MYCBPAP: variants seen among roughly 807,000 people sequenced by gnomAD.
MYCBPAP encodes MYCBP associated protein.
A neutral mutation model predicts 106.1 loss-of-function variants in MYCBPAP; 60 were observed. The observed-to-expected ratio is 0.57, with a 90% confidence interval of 0.46 to 0.70. The LOEUF is 0.70. MYCBPAP is among the 30% of genes least tolerant of loss of function. The pLI is 0.00. For missense variants in MYCBPAP, 1,064 were observed against 1,169.3 expected, an observed-to-expected ratio of 0.91 and a Z score of 1.31; for synonymous variants, 407 against 440.6, an observed-to-expected ratio of 0.92 and a Z score of 0.95.
rs1384689867 is a variant in MYCBPAP, at chr17:50,523,658, G to A, written c.1509G>A (p.Gly503=). 1.2e-6 allele frequency: 2 copies of A among 1,614,208 alleles called. No homozygotes were observed. Among genetic ancestry groups the A allele is most frequent in the East Asian group, 2.2e-5 (1 of 44,890 alleles). The part of the protein sequence containing the change: ...FTFFFKSLTA[G]VFREFWEFRT... ...TCTTCTTCAAGTCTTTGACTGCTGG[G>A]GTCTTCAGGGAATTTTGGGAGTTTC... Residue 503 remains glycine (G), a synonymous_variant, in exon 12 of 19, where the codon GGG becomes GGA. Transcript: ENST00000323776.
intron 1 of MYCBPAP, chr17:50,515,720 A>C (rs536032223): frequency 3.3e-5 from 5 of 152,340 alleles, no homozygotes; most frequent in Admixed American, 1.3e-4. Context: ...GATTTAGTCC[A>C]ACTGACTCTT....
At chr17:50,516,524 C>T in intron 1 of MYCBPAP, 46 bp from the exon 2 acceptor site, 2 of 1,601,218 alleles carry the variant, frequency 1.2e-6, no homozygotes, top group Non-Finnish European at 1.7e-6. Flanking sequence ...TTGATATATA[C>T]AGAAGGAGCT....
Position 50,526,142 on chromosome 17 carries a change from CG to C in MYCBPAP, c.2046del (p.Lys683ArgfsTer43). 1 of 1,613,472 alleles carries C rather than the reference CG, an allele frequency of 6.2e-7. No individual in the cohort carries two copies. The highest frequency in any genetic ancestry group is 1.1e-5 in the South Asian group (1 of 91,076). On this transcript the variant is annotated frameshift_variant, in exon 14 of 19. Transcript: ENST00000323776. LOFTEE classifies it high-confidence loss of function. ...CAGAGTGGGGACCAAGAGTCCTCAG[CG>C]GAAGAGCATCATGGAGGAGATCCTG... ...KARVGTKSPQ[R>X]KSIMEEILVE... is the part of the protein sequence containing the mutation.
intron 7 of MYCBPAP, 161 bp downstream of exon 7, chr17:50,519,948 G>A (rs929612454): frequency 2.5e-5 from 18 of 729,770 alleles, no homozygotes; most frequent in Admixed American, 1.9e-4. Flanking sequence ...CCTGAAGTCC[G>A]GCTCCCTCTT....
chr17:50,522,709 A>ATATATATATATATATATAT (rs1555620722), intron 10 of MYCBPAP: 63 of 50,030 alleles, frequency 1.3e-3, no homozygotes, highest in African/African-American at 6.6e-3. Context: ...AAAAAAAAAA[A>ATATATATATATATATATAT]ATATATATAT....
chr17:50,521,260 C>T (rs933486320), intron 8 of MYCBPAP, 35 bp downstream of exon 8: 2 of 1,597,662 alleles, frequency 1.3e-6, no homozygotes, highest in East Asian at 4.5e-5. Context: ...TCAGAAGCCC[C>T]TTGGGGCGAT....
rs754013135 is a variant in MYCBPAP, at chr17:50,523,078, A to G, written c.1397A>G (p.Gln466Arg). ...WRRQHQPDTF[Q>R]DLKKNRMQRF... The stretch of plus-strand genomic sequence containing the variant: ...CGGCAGCACCAGCCGGACACTTTCC[A>G]AGACCTTAAGAAAAACAGGATGCAG... Residue 466 changes from glutamine to arginine, a missense_variant, in exon 11 of 19, where the codon CAA (glutamine) becomes CGA (arginine). Gln to Arg is a conservative substitution (Grantham distance 43). Transcript: ENST00000323776. The G allele has an allele frequency of 3.2e-5, 52 of 1,614,016 alleles. No homozygotes were observed. The highest frequency in any genetic ancestry group is 3.6e-5 in the Non-Finnish European group (42 of 1,180,036).
chr17:50,517,804 G>A, intron 4 of MYCBPAP, 106 bp downstream of exon 4: 6 of 935,476 alleles, frequency 6.4e-6, no homozygotes, highest in South Asian at 5.9e-5. Context: ...AGTCTAGTCT[G>A]TAGGTTTTGA....
chr17:50,510,502 T>TAG (rs2033802249), intron 1 of MYCBPAP: 10 of 83,954 alleles, frequency 1.2e-4, no homozygotes, highest in African/African-American at 6.8e-4. Flanking sequence ...TGTGTGTGTA[T>TAG]ATATATATAT....
chr17:50,508,879 G>A (rs2033716723), intron 1 of MYCBPAP, 129 bp downstream of exon 1: 2 of 892,022 alleles, frequency 2.2e-6, no homozygotes, highest in Non-Finnish European at 3.7e-6. Flanking sequence ...CGGGGAAGTG[G>A]GGTACTGGGC....
chr17:50,528,812 A>T lies in MYCBPAP; in HGVS notation c.2525A>T (p.Lys842Met). The change falls in exon 17 of 19, where the codon AAG becomes ATG. Residue 842 changes from lysine (K) to methionine (M), a missense_variant. Physicochemically the swap from Lys to Met is moderately conservative, Grantham distance 95. Transcript: ENST00000323776. The part of the protein sequence containing the change: ...KQLGIKDKED[K>M]KGAKLLGKED... ...CTGGGGATCAAAGACAAAGAAGACA[A>T]GAAAGGAGCCAAGCTGCTCGGGAAA... 1 of 1,613,850 alleles carries T rather than the reference A, an allele frequency of 6.2e-7. No individual in the cohort carries two copies. The highest frequency in any genetic ancestry group is 1.1e-5 in the South Asian group (1 of 91,072).
chr17:50,526,938 C>T (rs2034482934), intron 14 of MYCBPAP, among the ~76,000 whole-genome samples: 1 of 152,208 alleles, frequency 6.6e-6, no homozygotes, highest in Non-Finnish European at 1.5e-5. Flanking sequence ...TGGTCTCGAA[C>T]ACCTGACCTC....
intron 18 of MYCBPAP, among the ~76,000 whole-genome samples, chr17:50,530,913 T>C (rs1597854167): frequency 7.2e-6 from 1 of 139,718 alleles, no homozygotes; most frequent in Non-Finnish European, 1.6e-5. Flanking sequence ...AAAGTAAAAC[T>C]GCAAAAGCAG....
intron 15 of MYCBPAP, 95 bp from the exon 16 acceptor site, chr17:50,528,060 G>A (rs1489585418): frequency 7.1e-6 from 7 of 989,622 alleles, no homozygotes; most frequent in South Asian, 1.4e-5. Context: ...AGCAGCTCGT[G>A]GCACCAGGGT....
intron 4 of MYCBPAP, 81 bp from the exon 5 acceptor site, chr17:50,518,460 G>C (rs2034133099): frequency 7.6e-7 from 1 of 1,308,980 alleles, no homozygotes; most frequent in Non-Finnish European, 1.0e-6. Context: ...AACAGCACGG[G>C]TTTAGGCCTC....
intron 1 of MYCBPAP, among the ~76,000 whole-genome samples, chr17:50,512,352 C>G (rs559012739): frequency 6.6e-6 from 1 of 152,174 alleles, no homozygotes; most frequent in Non-Finnish European, 1.5e-5. Flanking sequence ...CCGCGCCCGG[C>G]CCCCCAGCAA....
At chr17:50,529,906 G>A (rs78009100) in intron 18 of MYCBPAP, 18,525 of 445,682 alleles carry the variant, frequency 0.042, 482 homozygotes, top group South Asian at 0.071. Context: ...CAGGTTTTCC[G>A]TTTTGTTTGT....
chr17:50,524,670 A>G (rs2034390071), intron 12 of MYCBPAP, among the ~76,000 whole-genome samples: 1 of 151,228 alleles, frequency 6.6e-6, no homozygotes, highest in Non-Finnish European at 1.5e-5. Context: ...GGGAACAAGG[A>G]TGTCTGGAGA....
At chr17:50,513,116 G>C (rs2033916054) in intron 1 of MYCBPAP, among the ~76,000 whole-genome samples, 1 of 151,564 alleles carries the variant, frequency 6.6e-6, no homozygotes, top group Non-Finnish European at 1.5e-5. Flanking sequence ...TACTTGGGAG[G>C]CTGAGGCAGG....
Sources: allele counts gnomAD v4.1 joint callset (sites outside exome capture counted in the v4.1 genomes callset), GRCh38; gene constraint gnomAD v4.1.1; transcripts MANE v1.5; gene names NCBI Gene and HGNC (gene_info 2026-07-23, HGNC 2026-07-21).